Variants in FHIT observed in about 807,000 individuals in gnomAD.
FHIT encodes bis(5'-adenosyl)-triphosphatase.
A neutral mutation model predicts 17.9 loss-of-function variants in FHIT; 19 were observed. The ratio of observed to expected loss-of-function variants is 1.06; its 90% confidence interval spans 0.74 to 1.56. The LOEUF is 1.56. FHIT is among the 40% of genes most tolerant of loss of function. The probability of loss-of-function intolerance (pLI) is 0.00; values close to 1 mark genes in which losing one functional copy is unlikely to be tolerated. For missense variants in FHIT, 248 were observed against 189.2 expected (o/e 1.31, Z -1.82); for synonymous variants, 81 against 69.7 (o/e 1.16, Z -0.81).
At chr3:60,099,008 G>C (rs1338201967) in intron 5 of FHIT, among the ~76,000 whole-genome samples, 1 of 152,146 alleles carries the variant, frequency 6.6e-6, no homozygotes, top group Non-Finnish European at 1.5e-5. Context: ...CAATGATATA[G>C]TAGAGTGCTT....
At chr3:59,822,484 T>C (rs535357205) in intron 8 of FHIT, among the ~76,000 whole-genome samples, 1 of 152,326 alleles carries the variant, frequency 6.6e-6, no homozygotes, top group East Asian at 1.9e-4. Flanking sequence ...TTTTTTATCA[T>C]GGCCATTCTT....
intron 5 of FHIT, among the ~76,000 whole-genome samples, chr3:60,034,505 T>C (rs191007562): frequency 6.6e-6 from 1 of 152,354 alleles, no homozygotes; most frequent in African/African-American, 2.4e-5. Flanking sequence ...GAGGGGAACA[T>C]CTTCCCTAGG....
chr3:60,544,232 G>A (rs2036286253), intron 4 of FHIT, among the ~76,000 whole-genome samples: 1 of 151,616 alleles, frequency 6.6e-6, no homozygotes, highest in Non-Finnish European at 1.5e-5. Context: ...CCTTAAGAGG[G>A]CTGAGTTTAA....
At chr3:59,902,552 C>A (rs926475977) in intron 8 of FHIT, among the ~76,000 whole-genome samples, 6 of 151,558 alleles carry the variant, frequency 4.0e-5, no homozygotes, top group African/African-American at 1.5e-4. Context: ...TAAGTATCCA[C>A]TGACAGATAA....
intron 5 of FHIT, among the ~76,000 whole-genome samples, chr3:60,453,782 A>G (rs1415460713): frequency 6.6e-6 from 1 of 152,186 alleles, no homozygotes; most frequent in Non-Finnish European, 1.5e-5. Flanking sequence ...CTACCGAATG[A>G]TAATAATTGT....
chr3:60,669,266 TCC>T (rs2040456388), intron 4 of FHIT, among the ~76,000 whole-genome samples: 1 of 152,194 alleles, frequency 6.6e-6, no homozygotes, highest in Non-Finnish European at 1.5e-5. Flanking sequence ...TAAGTGTTCA[TCC>T]TTGCAAATGG....
chr3:61,022,678 G>A (rs2032511316), intron 3 of FHIT, among the ~76,000 whole-genome samples: 1 of 152,182 alleles, frequency 6.6e-6, no homozygotes, highest in Admixed American at 6.5e-5. Context: ...TGGGATGCAA[G>A]GATGGTTCAA....
At chr3:61,013,628 GGA>G (rs1368771698) in intron 3 of FHIT, among the ~76,000 whole-genome samples, 2 of 152,136 alleles carry the variant, frequency 1.3e-5, no homozygotes, top group South Asian at 4.1e-4. Context: ...AGAAAAGAAG[GGA>G]GAGAGAAAAA....
intron 3 of FHIT, among the ~76,000 whole-genome samples, chr3:60,922,088 A>G (rs1452595987): frequency 5.3e-5 from 8 of 152,238 alleles, no homozygotes; most frequent in African/African-American, 1.7e-4. Context: ...AAGAGAGTCT[A>G]GAAAGGTGGA....
At chr3:59,833,384 C>T (rs751546040) in intron 8 of FHIT, among the ~76,000 whole-genome samples, 3 of 152,012 alleles carry the variant, frequency 2.0e-5, no homozygotes, top group Non-Finnish European at 4.4e-5. Context: ...GTCTTGTGAC[C>T]ATGAAGACAG....
chr3:59,981,088 CA>C (rs375671375), intron 7 of FHIT, among the ~76,000 whole-genome samples: 1 of 151,428 alleles, frequency 6.6e-6, no homozygotes, highest in African/African-American at 2.4e-5. Context: ...CCACCACCAA[CA>C]AAAAAAACAC....
At chr3:60,417,710 A>C (rs535923024) in intron 5 of FHIT, among the ~76,000 whole-genome samples, 1 of 152,190 alleles carries the variant, frequency 6.6e-6, no homozygotes, top group African/African-American at 2.4e-5. Flanking sequence ...GATCAGCATT[A>C]GCCTGACTAA....
At chr3:60,697,363 A>T (rs1457822082) in intron 4 of FHIT, among the ~76,000 whole-genome samples, 4 of 152,076 alleles carry the variant, frequency 2.6e-5, no homozygotes, top group African/African-American at 9.7e-5. Flanking sequence ...GAACCTTGAG[A>T]TAGGTGTTTA....
chr3:59,826,705 G>T (rs1700992278), intron 8 of FHIT, among the ~76,000 whole-genome samples: 1 of 152,244 alleles, frequency 6.6e-6, no homozygotes, highest in African/African-American at 2.4e-5. Flanking sequence ...CATGCTGCTG[G>T]ATGTGTGGCA....
chr3:60,043,943 G>A (rs973693335), intron 5 of FHIT, among the ~76,000 whole-genome samples: 11 of 152,158 alleles, frequency 7.2e-5, no homozygotes, highest in African/African-American at 1.4e-4. Context: ...TAATCCAAAC[G>A]ACAGGCCAAC....
chr3:60,449,759 C>T (rs1373714486), intron 5 of FHIT, among the ~76,000 whole-genome samples: 1 of 151,960 alleles, frequency 6.6e-6, no homozygotes, highest in South Asian at 2.1e-4. Flanking sequence ...AATCCCAGCA[C>T]TTTGGGAGGC....
At chr3:60,854,095 C>T (rs1421197887) in intron 3 of FHIT, among the ~76,000 whole-genome samples, 1 of 152,118 alleles carries the variant, frequency 6.6e-6, no homozygotes, top group Non-Finnish European at 1.5e-5. Context: ...AGAATGTAAA[C>T]TTCTTGGGTT....
At chr3:59,813,828 T>C (rs1371574903) in intron 8 of FHIT, among the ~76,000 whole-genome samples, 2 of 152,082 alleles carry the variant, frequency 1.3e-5, no homozygotes, top group African/African-American at 4.8e-5. Context: ...AGATAAGTCA[T>C]TGTTCCTGCA....
At chr3:60,032,905 CCTTAGAG>C (rs768852836) in intron 5 of FHIT, among the ~76,000 whole-genome samples, 1 of 152,058 alleles carries the variant, frequency 6.6e-6, no homozygotes, top group Non-Finnish European at 1.5e-5. Context: ...CTGGAGCCCA[CCTTAGAG>C]CTAACTTACT....
Sources: gnomAD v4.1 joint callset for allele counts (sites outside exome capture counted in the v4.1 genomes callset) on GRCh38, gnomAD v4.1.1 for gene constraint, MANE v1.5 for transcripts, NCBI Gene and HGNC (gene_info 2026-07-23, HGNC 2026-07-21) for gene names.